Variants in TTC7A observed in about 807,000 individuals in gnomAD.
TTC7A encodes the protein tetratricopeptide repeat domain 7A.
A neutral mutation model predicts 103.7 loss-of-function variants in TTC7A; 110 were observed. The observed-to-expected ratio is 1.06, with a 90% CI of 0.91 to 1.24. The LOEUF is 1.24. TTC7A is among the 50% of genes most tolerant of loss of function. TTC7A has a pLI of 0.00. For missense variants in TTC7A, 1,340 were observed against 1,116.3 expected, an observed-to-expected ratio of 1.20 and a Z score of -2.86; for synonymous variants, 521 against 467.9, an observed-to-expected ratio of 1.11 and a Z score of -1.47.
At chr2:46,992,626 G>T (rs1675747313) in intron 5 of TTC7A, among the ~76,000 whole-genome samples, 2 of 152,176 alleles carry the variant, frequency 1.3e-5, no homozygotes, top group African/African-American at 4.8e-5. Flanking sequence ...TGTAGGGCTG[G>T]ACTTGAGAGG....
chr2:47,041,011 C>A (rs762514579), intron 15 of TTC7A, among the ~76,000 whole-genome samples: 1 of 152,182 alleles, frequency 6.6e-6, no homozygotes. Flanking sequence ...TCAGGCGTTT[C>A]GATCACAGAG....
intron 2 of TTC7A, 130 bp from the exon 3 acceptor site, chr2:46,956,709 A>G (rs958028052): frequency 1.1e-6 from 1 of 935,716 alleles, no homozygotes; most frequent in South Asian, 1.5e-5. Context: ...TTGAGCATCA[A>G]AGAAGGCTTT....
intron 11 of TTC7A, among the ~76,000 whole-genome samples, chr2:47,017,201 A>C (rs549010525): frequency 0.1 from 4,304 of 41,010 alleles, 47 homozygotes; most frequent in Middle Eastern, 0.14. Flanking sequence ...ACTCTGTCTC[A>C]AAAAAAAAAA....
rs752527109 is a variant in TTC7A, at chr2:47,029,233, G to T, written c.1651G>T (p.Ala551Ser). 4.3e-6 allele frequency: 7 copies of T among 1,613,672 alleles called. No homozygotes were observed. In the African/African-American group the frequency reaches 9.3e-5, roughly 22 times the overall value. ...CGGGTTCCTTCAACAGATCTCCAGT[G>T]CCATGGAGCAGCTGCAGGAGGCCCT... ...QLALVRQISS[A>S]MEQLQEALKV... The change falls in exon 15 of 20, where the codon GCC (alanine) becomes TCC (serine). Residue 551 changes from alanine to serine, a missense_variant. Physicochemically the swap from Ala to Ser is moderately conservative, Grantham distance 99 (BLOSUM62 1). Coordinates refer to ENST00000319190, the MANE Select transcript of TTC7A (RefSeq NM_020458.4).
rs866944216 is a variant in TTC7A at position 47,000,312 on chromosome 2, A to G, written c.1065+5113A>G. 5.3e-5 allele frequency among the ~76,000 whole-genome samples: 8 copies of G among 151,416 alleles called. No individual in the cohort carries two copies. The South Asian group carries it at 6.2e-4, about 12-fold the overall frequency. Reference sequence around the variant, plus strand: ...GATTCCATTAGGGATTCAGCAGATGAGCACAGATTGTTTCAGCTTTTGGGA... The same window carrying G: ...GATTCCATTAGGGATTCAGCAGATGGGCACAGATTGTTTCAGCTTTTGGGA... On this transcript the variant is annotated intron_variant, in intron 8 of 19. Transcript: ENST00000319190.
At chr2:46,944,249 G>A (rs1390707507) in intron 1 of TTC7A, among the ~76,000 whole-genome samples, 1 of 151,958 alleles carries the variant, frequency 6.6e-6, no homozygotes, top group Non-Finnish European at 1.5e-5. Flanking sequence ...TGAGTCCCTT[G>A]TATCCATCAA....
At chr2:46,960,351 C>A (rs906461127) in intron 3 of TTC7A, among the ~76,000 whole-genome samples, 1 of 152,216 alleles carries the variant, frequency 6.6e-6, no homozygotes, top group Non-Finnish European at 1.5e-5. Context: ...CTGTTTGATT[C>A]TTCATTTCCC....
intron 5 of TTC7A, among the ~76,000 whole-genome samples, chr2:46,979,357 G>T (rs540110263): frequency 6.6e-6 from 1 of 152,314 alleles, no homozygotes; most frequent in Admixed American, 6.5e-5. Context: ...GTTCATTCCG[G>T]CTTTTAAGGA....
At chr2:46,939,685 A>AG (rs1306989258), upstream of TTC7A, among the ~76,000 whole-genome samples, 1 of 152,172 alleles carries the variant, frequency 6.6e-6, no homozygotes, top group Non-Finnish European at 1.5e-5. Flanking sequence ...TCCCTGCCCC[A>AG]GGGCTGACTC....
At chr2:47,072,584 G>A (rs1246214091) in intron 19 of TTC7A, among the ~76,000 whole-genome samples, 2 of 152,222 alleles carry the variant, frequency 1.3e-5, no homozygotes, top group Non-Finnish European at 1.5e-5. Context: ...AATGTACATG[G>A]CCGTCAGTGG....
chr2:47,047,340 A>G, intron 16 of TTC7A: 1 of 1,543,052 alleles, frequency 6.5e-7, no homozygotes, highest in Non-Finnish European at 8.8e-7. Flanking sequence ...AGAGGAGGGT[A>G]ATCAGACAGA....
intron 5 of TTC7A, among the ~76,000 whole-genome samples, chr2:46,982,402 G>A (rs1674563317): frequency 6.6e-6 from 1 of 152,002 alleles, no homozygotes; most frequent in Non-Finnish European, 1.5e-5. Context: ...TAGGTTGGAA[G>A]GGCCCCTACT....
chr2:47,054,737 A>T (rs924344345), intron 18 of TTC7A, among the ~76,000 whole-genome samples: 2 of 151,136 alleles, frequency 1.3e-5, no homozygotes, highest in African/African-American at 4.9e-5. Flanking sequence ...CTGGAGGCTG[A>T]GGTGGGAGGA....
At chr2:46,992,410 T>C (rs1675726118) in intron 5 of TTC7A, among the ~76,000 whole-genome samples, 2 of 152,086 alleles carry the variant, frequency 1.3e-5, no homozygotes. Context: ...GGAGGTGACA[T>C]TGGAACTTGC....
Position 46,998,963 on chromosome 2 carries a change from ACCTAGTT to A in TTC7A, c.1065+3765_1065+3771del, listed in dbSNP as rs142721866. 9.5e-3 allele frequency among the ~76,000 whole-genome samples: 1,439 copies of A among 152,244 alleles called. 9 individuals are homozygous for A. Among genetic ancestry groups the A allele is most frequent in the Non-Finnish European group, 0.015 (1,006 of 68,000 alleles). ...TGGTTGAAGATGATTTCTGTTTTGG[ACCTAGTT>A]TTGGGTCTTCGGAGCCAAAATGACA... On this transcript the variant is annotated intron_variant, in intron 8 of 19. Transcript: ENST00000319190.
intron 15 of TTC7A, among the ~76,000 whole-genome samples, chr2:47,038,773 G>A (rs1160528362): frequency 5.9e-5 from 9 of 151,388 alleles, no homozygotes; most frequent in African/African-American, 1.5e-4. Context: ...AGAGTTTCAG[G>A]AACGCCCTGC....
intron 4 of TTC7A, 95 bp from the exon 5 acceptor site, chr2:46,978,697 G>A: frequency 1.1e-6 from 1 of 875,760 alleles, no homozygotes; most frequent in Non-Finnish European, 1.9e-6. Flanking sequence ...CTGAACAACT[G>A]GGACTGGGAT....
intron 3 of TTC7A, among the ~76,000 whole-genome samples, chr2:46,965,164 T>A (rs932290362): frequency 1.3e-5 from 2 of 152,250 alleles, no homozygotes; most frequent in African/African-American, 4.8e-5. Context: ...CTTCTTTTTT[T>A]ACTGTTCTCT....
rs549236013 is a variant in TTC7A at position 47,073,779 on chromosome 2, G to C, written c.2433G>C (p.Thr811=). The C allele has an allele frequency of 6.2e-7, 1 of 1,613,798 alleles. No homozygotes were observed. Among genetic ancestry groups the C allele is most frequent in the African/African-American group, 1.3e-5 (1 of 75,048 alleles). ...VLRDAVERQS[T]CHEAWQGLGE... ...GTGATGCCGTGGAGAGGCAGAGTAC[G>C]TGCCACGAGGCGTGGCAGGGCCTGG... Residue 811 remains threonine (T), a synonymous_variant, in exon 20 of 20, where the codon ACG becomes ACC. Coordinates refer to ENST00000319190, the MANE Select transcript of TTC7A (RefSeq NM_020458.4).
Sources: gnomAD v4.1 joint callset for allele counts (sites outside exome capture counted in the v4.1 genomes callset) on GRCh38, gnomAD v4.1.1 for gene constraint, MANE v1.5 for transcripts, NCBI Gene and HGNC (gene_info 2026-07-23, HGNC 2026-07-21) for gene names.